Variants in RNF150 observed in about 807,000 individuals in gnomAD.
RNF150 encodes ring finger protein 150.
Under a neutral mutation model 39.3 loss-of-function variants are expected in RNF150, and 24 were observed. That is an observed-to-expected ratio of 0.61 (90% CI 0.44 to 0.86). RNF150 has a LOEUF of 0.86. Among genes scored for constraint, RNF150 ranks in the 40% least tolerant of loss-of-function variants. RNF150 has a pLI of 0.00. For missense variants in RNF150, 502 were observed against 587.8 expected (o/e 0.85, Z 1.51); for synonymous variants, 255 against 227.3 (o/e 1.12, Z -1.10).
chr4:140,946,539 T>G (rs574729541), intron 4 of RNF150, among the ~76,000 whole-genome samples: 2 of 151,972 alleles, frequency 1.3e-5, no homozygotes, highest in East Asian at 3.9e-4. Flanking sequence ...ATCACTGGAG[T>G]GTAGTGGCAT....
In RNF150 at chr4:141,150,180, C is replaced by T. The variant is rs1296095795; in HGVS notation, c.-6+62614G>A. ...TTTTGTGCATCTATCACAAAATAGT[C>T]CAAAAGGGCTGACATATTAGCAATT... On this transcript the variant is annotated intron_variant, in intron 1 of 7. Coordinates refer to the RNF150 transcript ENST00000420921. 2.0e-5 allele frequency among the ~76,000 whole-genome samples: 3 copies of T among 152,110 alleles called. No individual in the cohort carries two copies. The East Asian group carries it at 5.8e-4, about 29-fold the overall frequency.
At chr4:141,120,096 T>C (rs1197828455) in intron 1 of RNF150, among the ~76,000 whole-genome samples, 4 of 152,190 alleles carry the variant, frequency 2.6e-5, no homozygotes, top group Non-Finnish European at 5.9e-5. Flanking sequence ...CCAGGCTCTA[T>C]AAATACAGCC....
chr4:141,171,174 G>C (rs371860646), intron 1 of RNF150, among the ~76,000 whole-genome samples: 17 of 152,248 alleles, frequency 1.1e-4, no homozygotes, highest in African/African-American at 2.9e-4. Context: ...AAAGAAGGAG[G>C]CTTAGAAAAT....
At chr4:141,043,928 G>A (rs1053264834) in intron 1 of RNF150, among the ~76,000 whole-genome samples, 3 of 152,124 alleles carry the variant, frequency 2.0e-5, no homozygotes, top group African/African-American at 4.8e-5. Flanking sequence ...AAGGATCACA[G>A]AGAATCCAAG....
intron 4 of RNF150, among the ~76,000 whole-genome samples, chr4:140,927,071 T>C (rs1731427734): frequency 2.0e-5 from 3 of 152,132 alleles, no homozygotes; most frequent in Admixed American, 6.5e-5. Context: ...AAAAACCTCA[T>C]TTGCCTTGTG....
Position 141,097,309 on chromosome 4 carries a change from A to C in RNF150, c.484+35016T>G, listed in dbSNP as rs1002730412. 2.0e-5 allele frequency among the ~76,000 whole-genome samples: 3 copies of C among 152,206 alleles called. No homozygotes were observed. The East Asian group carries it at 5.8e-4, about 29-fold the overall frequency. ...GATTGAATGCATTTCTCTGCTTTGC[A>C]GCTCAGACAATTAATTTATTTCAGA... On this transcript the variant is annotated intron_variant, in intron 1 of 6. Coordinates refer to ENST00000515673, the MANE Select transcript of RNF150 (RefSeq NM_020724.2).
chr4:141,049,502 G>C (rs1390148153), intron 1 of RNF150, among the ~76,000 whole-genome samples: 2 of 151,914 alleles, frequency 1.3e-5, no homozygotes, highest in Middle Eastern at 3.4e-3. Flanking sequence ...GTGGGTAAAC[G>C]GTTAGGAAAT....
intron 1 of RNF150, among the ~76,000 whole-genome samples, chr4:141,005,939 G>C (rs1346154147): frequency 1.4e-5 from 2 of 146,074 alleles, no homozygotes; most frequent in African/African-American, 5.1e-5. Flanking sequence ...CGTAGTGGCG[G>C]GCGCCTGTAG....
rs566066399 is a variant in RNF150 at position 140,916,114 on chromosome 4, C to A, written c.988-4760G>T. ...TGGGGAAAAAACGGAGCAGAAAAAC[C>A]GGAAACTCTAAAAATCAGAGCACCT... On this transcript the variant is annotated intron_variant, in intron 5 of 6. Transcript: ENST00000515673. 9.7e-3 allele frequency among the ~76,000 whole-genome samples: 1,476 copies of A among 152,198 alleles called. 8 individuals are homozygous for A. Among genetic ancestry groups the A allele is most frequent in the Non-Finnish European group, 0.016 (1,092 of 68,002 alleles).
upstream of RNF150, among the ~76,000 whole-genome samples, chr4:141,137,628 G>T (rs190298828): frequency 5.9e-4 from 90 of 152,284 alleles, no homozygotes; most frequent in Non-Finnish European, 1.1e-3. Flanking sequence ...TATTCAAGGT[G>T]CCTAGAGAGA....
chr4:140,954,591 T>C (rs1165068530), intron 2 of RNF150, among the ~76,000 whole-genome samples: 1 of 152,190 alleles, frequency 6.6e-6, no homozygotes, highest in African/African-American at 2.4e-5. Context: ...TAAACAGATA[T>C]GAATATATTT....
At chr4:141,199,412 T>C (rs1728254228) in intron 1 of RNF150, among the ~76,000 whole-genome samples, 1 of 152,240 alleles carries the variant, frequency 6.6e-6, no homozygotes, top group Non-Finnish European at 1.5e-5. Flanking sequence ...TGAATGTTTA[T>C]ACATTGATTC....
rs1179991828 is a variant in RNF150, at chr4:141,053,598, A to G, written c.484+78727T>C. 3 of 705,730 alleles carry G rather than the reference A, an allele frequency of 4.3e-6. No homozygotes were observed. In the East Asian group the frequency reaches 1.0e-4, roughly 24 times the overall value. The allele number at this position is 705,730 out of a possible 1,614,324, so 43.7% of individuals were successfully genotyped here. A position where few individuals can be genotyped will look rare whatever the true frequency, so the allele number is the denominator to read the frequency against. On this transcript the variant is annotated intron_variant, in intron 1 of 6. Coordinates refer to ENST00000515673, the MANE Select transcript of RNF150 (RefSeq NM_020724.2). ...TAATGGGGAAAGAAAATTGATTAGA[A>G]AGTTAAGGAAGATATCATGGAAGTC...
intron 1 of RNF150, among the ~76,000 whole-genome samples, chr4:140,982,561 C>T (rs1733895468): frequency 7.0e-6 from 1 of 143,080 alleles, no homozygotes; most frequent in African/African-American, 2.6e-5. Context: ...GGAGGATGAG[C>T]AGAACGATTG....
chr4:141,000,682 A>G (rs932774670), intron 1 of RNF150, among the ~76,000 whole-genome samples: 1 of 152,228 alleles, frequency 6.6e-6, no homozygotes, highest in Non-Finnish European at 1.5e-5. Flanking sequence ...CTTGGCACAC[A>G]CTTAGGTCAA....
intron 4 of RNF150, among the ~76,000 whole-genome samples, chr4:140,933,013 C>T (rs973838321): frequency 5.3e-5 from 8 of 152,166 alleles, no homozygotes; most frequent in East Asian, 1.9e-4. Flanking sequence ...ATCAAAGCTT[C>T]GCCTATCCTG....
chr4:141,176,400 C>G (rs1470033233), intron 1 of RNF150, among the ~76,000 whole-genome samples: 1 of 152,166 alleles, frequency 6.6e-6, no homozygotes, highest in Non-Finnish European at 1.5e-5. Context: ...GGCTTGGTCC[C>G]TTGCAAAAGA....
chr4:141,166,506 C>T (rs1400926159), intron 1 of RNF150, among the ~76,000 whole-genome samples: 1 of 152,176 alleles, frequency 6.6e-6, no homozygotes, highest in Non-Finnish European at 1.5e-5. Context: ...AAATTTCAGG[C>T]TAATATCCCT....
intron 1 of RNF150, among the ~76,000 whole-genome samples, chr4:141,172,398 G>A (rs902705817): frequency 5.3e-5 from 8 of 152,196 alleles, no homozygotes; most frequent in Admixed American, 3.9e-4. Flanking sequence ...TCTTCACAGC[G>A]AGACTCTGGC....
Sources: gnomAD v4.1 joint callset for allele counts (sites outside exome capture counted in the v4.1 genomes callset) on GRCh38, gnomAD v4.1.1 for gene constraint, MANE v1.5 for transcripts, NCBI Gene and HGNC (gene_info 2026-07-23, HGNC 2026-07-21) for gene names.